CLCN7: variants seen among roughly 807,000 people sequenced by gnomAD.
The protein encoded by CLCN7 is Cl-/H+ antiporter 7, also known as H(+)/Cl(-) exchange transporter 7.
CLCN7 carries 60 observed loss-of-function variants against 102.1 expected under a neutral mutation model. The ratio of observed to expected loss-of-function variants is 0.59; its 90% CI spans 0.48 to 0.73. The LOEUF is 0.73. Among genes scored for constraint, CLCN7 ranks in the 30% least tolerant of loss-of-function variants. The pLI, the probability that CLCN7 is intolerant of heterozygous loss-of-function variation, is 0.00. For missense variants in CLCN7, 962 were observed against 1,125.7 expected, an observed-to-expected ratio of 0.85 and a Z score of 2.08; for synonymous variants, 560 against 490.5, an observed-to-expected ratio of 1.14 and a Z score of -1.87.
In CLCN7 at chr16:1,452,634, C is replaced by G. The variant is rs1322941860; in HGVS notation, c.1353+121G>C. 13 of 1,050,534 alleles carry G rather than the reference C, an allele frequency of 1.2e-5. No individual in the cohort carries two copies. In the East Asian group the frequency reaches 3.4e-4, roughly 27 times the overall value. The allele number at this position is 1,050,534 out of a possible 1,614,324, so 65.1% of individuals were successfully genotyped here. A position where few individuals can be genotyped will look rare whatever the true frequency, so the allele number is the denominator to read the frequency against. On this transcript the variant is annotated intron_variant, in intron 15 of 24. Transcript: ENST00000382745. ...ACTAACCCTCTTTGAGACACGCCAG[C>G]CCATGCGCTTCTGGAACTCGGCGGG...
intron 21 of CLCN7, 35 bp from the exon 22 acceptor site, chr16:1,447,749 C>G: frequency 1.3e-6 from 2 of 1,546,884 alleles, no homozygotes; most frequent in East Asian, 2.4e-5. Flanking sequence ...GCCACGGGCC[C>G]GAGGGTGGGA....
rs2038729229 is a variant in CLCN7, at chr16:1,450,545, G to A, written c.1569C>T (p.Ala523=). The A allele has an allele frequency of 1.2e-6, 2 of 1,611,274 alleles. No individual in the cohort carries two copies. Residue 523 remains alanine, a synonymous_variant, in exon 17 of 25, where the codon GCC becomes GCT. Transcript: ENST00000382745. ...GGGAGATCCCAAAGAGCCGGCCCCA[G>A]GCAGCCCCGATGAGCAGGGACGGGA... ...VFIPSLLIGA[A]WGRLFGISLS... is the part of the protein sequence containing the mutation.
rs1202858049 is a variant in CLCN7, at chr16:1,447,429, G to C, written c.2213C>G (p.Ser738Cys). Reference protein sequence around the residue: ...QDERECTMDLSEFMNPSPYTV... With the variant: ...QDERECTMDLCEFMNPSPYTV... Reference sequence around the variant, plus strand: ...GTAGGGGGAGGGGTTCATGAACTCGGAGAGGTCCATGGTGCACTCCCGCTC... The same window carrying C: ...GTAGGGGGAGGGGTTCATGAACTCGCAGAGGTCCATGGTGCACTCCCGCTC... The change falls in exon 23 of 25, where the codon TCC becomes TGC. Residue 738 changes from serine (S) to cysteine (C), a missense_variant. By Grantham distance (112) the Ser-to-Cys change is moderately radical. Around this residue, in one of 2 missense-constraint regions of CLCN7, gnomAD observed 799 missense variants for 988.0 expected, o/e 0.81. Coordinates refer to ENST00000382745, the MANE Select transcript of CLCN7 (RefSeq NM_001287.6). The C allele has an allele frequency of 6.4e-7, 1 of 1,551,898 alleles. No homozygotes were observed. The highest frequency in any genetic ancestry group is 2.4e-5 in the East Asian group (1 of 41,034).
At chr16:1,462,157 C>T (rs918346583) in intron 2 of CLCN7, among the ~76,000 whole-genome samples, 1 of 151,376 alleles carries the variant, frequency 6.6e-6, no homozygotes, top group East Asian at 2.0e-4. Flanking sequence ...TTTGGTAAGA[C>T]ACAAGCAAAG....
Position 1,457,356 on chromosome 16 carries a change from G to A in CLCN7, c.739-19C>T, listed in dbSNP as rs188866800. 96 of 1,608,850 alleles carry A rather than the reference G, an allele frequency of 6.0e-5. No homozygotes were observed. The Admixed American group carries it at 6.9e-4, about 11-fold the overall frequency. On this transcript the variant is annotated intron_variant, in intron 8 of 24. Transcript: ENST00000382745. The surrounding 1 kb of genome is among the most constrained non-coding windows in gnomAD (Gnocchi z 5.4). ...GCCCTTCCTGGAGACCAGAAGGACC[G>A]GTGCTCAGAGACACGCGTGACGCGG... is the stretch of plus-strand genomic sequence containing the variant.
intron 15 of CLCN7, chr16:1,452,479 C>T (rs1034879237): frequency 2.0e-6 from 1 of 504,850 alleles, no homozygotes; most frequent in Admixed American, 3.3e-5. Flanking sequence ...CCATAGGGCG[C>T]CTGAGGCTCG....
In CLCN7 at chr16:1,446,985, AC is replaced by A; in HGVS notation, c.2331+20del. 1.3e-6 allele frequency: 2 copies of A among 1,560,628 alleles called. No individual in the cohort carries two copies. Among genetic ancestry groups the A allele is most frequent in the Non-Finnish European group, 8.6e-7 (1 of 1,156,166 alleles). ...GGGGAGCCCTGCACGGCATGCCTGC[AC>A]CCCCACCGCCCCCGCTCACCTGATT... is the stretch of plus-strand genomic sequence containing the variant. On this transcript the variant is annotated intron_variant, in intron 24 of 24. Transcript: ENST00000382745.
At chr16:1,446,807 A>C in intron 24 of CLCN7, 90 bp from the exon 25 acceptor site, 2 of 1,265,510 alleles carry the variant, frequency 1.6e-6, no homozygotes, top group African/African-American at 1.5e-5. Flanking sequence ...GGGGCAGCAC[A>C]GGCAGGGGGC....
intron 7 of CLCN7, among the ~76,000 whole-genome samples, chr16:1,458,545 G>A (rs12918994): frequency 0.047 from 7,113 of 152,284 alleles, 203 homozygotes; most frequent in Non-Finnish European, 0.066. Context: ...CCTTGGCCAC[G>A]GGGACCAGGC....
At chr16:1,455,890 C>G (rs962875876) in intron 10 of CLCN7, 95 bp from the exon 11 acceptor site, 12 of 1,403,796 alleles carry the variant, frequency 8.5e-6, no homozygotes, top group Non-Finnish European at 1.2e-5. Flanking sequence ...ACCCAGACCA[C>G]GTCAGAAAGA....
chr16:1,460,306 T>C (rs2038912857), intron 6 of CLCN7, 112 bp downstream of exon 6: 11 of 795,370 alleles, frequency 1.4e-5, no homozygotes, highest in Non-Finnish European at 2.2e-5. Context: ...AGTGCCCGGG[T>C]TGTCAGCCAA....
chr16:1,474,517 C>A (rs573279354), intron 1 of CLCN7, among the ~76,000 whole-genome samples: 1 of 152,362 alleles, frequency 6.6e-6, no homozygotes, highest in East Asian at 1.9e-4. Flanking sequence ...GTCTGGGGGA[C>A]ACCGGAGGGA....
Position 1,460,711 on chromosome 16 carries a change from C to T in CLCN7, c.484+105G>A, listed in dbSNP as rs527273638. 243 of 1,557,760 alleles carry T rather than the reference C, an allele frequency of 1.6e-4. No homozygotes were observed. The African/African-American group carries it at 2.7e-3, about 18-fold the overall frequency. On this transcript the variant is annotated intron_variant, in intron 5 of 24. Coordinates refer to ENST00000382745, the MANE Select transcript of CLCN7 (RefSeq NM_001287.6). Reference sequence around the variant, plus strand: ...AGGGACACAGCCAGCCTGGCCGGGCCGCCTCCACCTGCACTGGAACACGCT... The same window carrying T: ...AGGGACACAGCCAGCCTGGCCGGGCTGCCTCCACCTGCACTGGAACACGCT...
rs904626033 is a variant in CLCN7 at position 1,457,510 on chromosome 16, C to T, written c.739-173G>A. On this transcript the variant is annotated intron_variant, in intron 8 of 24. Coordinates refer to ENST00000382745, the MANE Select transcript of CLCN7 (RefSeq NM_001287.6). This position sits in a 1 kb window ranked among gnomAD's most constrained non-coding sequence, Gnocchi z 5.4. ...TTCCTGGAGACCAGAAGGACCGGTG[C>T]TCAGAGACACGCGTGACGCGGCCCT... 4 of 640,502 alleles carry T rather than the reference C, an allele frequency of 6.2e-6. No individual in the cohort carries two copies. The highest frequency in any genetic ancestry group is 4.4e-5 in the Admixed American group (2 of 45,128). 39.7% of individuals were successfully genotyped at this position (640,502 alleles called of 1,614,324 possible).
chr16:1,456,233 G>A lies in CLCN7; in HGVS notation c.823-27C>T, dbSNP rs758212888. On this transcript the variant is annotated intron_variant, in intron 9 of 24. Coordinates refer to ENST00000382745, the MANE Select transcript of CLCN7 (RefSeq NM_001287.6). ...TGCAACAGGGACAGACCAGGGTCGG[G>A]GCAGGTTCCTTGAGGGCACGGCTCT... The A allele has an allele frequency of 1.9e-6, 3 of 1,539,986 alleles. No homozygotes were observed. In the South Asian group the frequency reaches 3.5e-5, roughly 18 times the overall value.
intron 6 of CLCN7, 72 bp downstream of exon 6, chr16:1,460,346 G>C: frequency 8.9e-7 from 1 of 1,128,160 alleles, no homozygotes; most frequent in South Asian, 1.2e-5. Flanking sequence ...GAGCTGCAGG[G>C]GTTCCCGCCC....
chr16:1,467,845 G>A (rs1324463172), intron 1 of CLCN7: 3 of 152,450 alleles, frequency 2.0e-5, no homozygotes, highest in African/African-American at 7.2e-5. Context: ...AGCACTTTGG[G>A]AGGCTCAGGC....
At position 1,474,855 on chromosome 16, in the gene CLCN7, A is replaced by T. The variant is rs886051703; in HGVS notation, c.120T>A (p.Ala40=). Residue 40 remains alanine (A), a synonymous_variant, in exon 1 of 25, where the codon GCT becomes GCA. Coordinates refer to ENST00000382745, the MANE Select transcript of CLCN7 (RefSeq NM_001287.6). ...TCACCTGGCGCGCAGCCCCAGGCCCAGCCCCGTTCAGCAGCGGCGTCCCCC... is the reference window on the plus strand; with the variant it reads ...TCACCTGGCGCGCAGCCCCAGGCCCTGCCCCGTTCAGCAGCGGCGTCCCCC... The part of the protein sequence containing the change: ...PGGGTPLLNG[A]GPGAARQSPR... The T allele has an allele frequency of 5.1e-5, 74 of 1,437,128 alleles. No homozygotes were observed. Among genetic ancestry groups the T allele is most frequent in the Non-Finnish European group, 5.4e-5 (59 of 1,097,264 alleles). The allele number at this position is 1,437,128 out of a possible 1,614,324, so 89.0% of individuals were successfully genotyped here. A position where few individuals can be genotyped will look rare whatever the true frequency, so the allele number is the denominator to read the frequency against.
rs117183989 is a variant in CLCN7 at position 1,457,736 on chromosome 16, G to A, written c.696C>T (p.Ser232=). 21,703 of 1,613,732 alleles carry A rather than the reference G, an allele frequency of 0.013. 182 individuals are homozygous for A. Among genetic ancestry groups the A allele is most frequent in the Non-Finnish European group, 0.016 (19,084 of 1,179,898 alleles). The change falls in exon 8 of 25, where the codon TCC becomes TCT. Residue 232 remains serine, a synonymous_variant. Transcript: ENST00000382745. This position sits in a 1 kb window ranked among gnomAD's most constrained non-coding sequence, Gnocchi z 5.4. ...VRLKTLVIKV[S]GVILSVVGGL... ...CCCCGACCACGGACAGGATCACACC[G>A]GACACTTTGATCACCAACGTCTGAA... is the stretch of plus-strand genomic sequence containing the variant.
Sources: gnomAD v4.1 joint callset for allele counts (sites outside exome capture counted in the v4.1 genomes callset) on GRCh38, gnomAD v4.1.1 for gene constraint, gnomAD v4.1.1 regional missense constraint, Gnocchi (gnomAD v3.1) non-coding constraint, MANE v1.5 for transcripts, NCBI Gene and HGNC (gene_info 2026-07-23, HGNC 2026-07-21) for gene names.